DEF6: variants seen among roughly 807,000 people sequenced by gnomAD.
DEF6 encodes differentially expressed in FDCP 6 homolog.
A neutral mutation model predicts 80.5 loss-of-function variants in DEF6; 32 were observed. That is an observed-to-expected ratio of 0.40 (90% CI 0.30 to 0.53). The LOEUF (loss-of-function observed/expected upper bound fraction) is 0.53, where lower values mean the gene tolerates loss of function less well. Ranked by LOEUF, DEF6 falls within the 20% of genes least tolerant of loss-of-function variation. The pLI is 0.57. For synonymous variants in DEF6, 300 were observed against 337.9 expected (o/e 0.89, Z 1.23); for missense variants, 575 against 818.7 (o/e 0.70, Z 3.63).
In DEF6 at chr6:35,309,550, AGT is replaced by A. The variant is rs202061474; in HGVS notation, c.97-113_97-112del. 2,441 of 1,098,664 alleles carry A rather than the reference AGT, an allele frequency of 2.2e-3. 13 individuals carry two copies. Among genetic ancestry groups the A allele is most frequent in the African/African-American group, 0.015 (951 of 64,358 alleles). 68.1% of individuals were successfully genotyped at this position (1,098,664 alleles called of 1,614,324 possible). ...AGTTTTAGTTATTACTGAACTGAAC[AGT>A]GTGTGTAGAGAACTCAGCCAGGATG... On this transcript the variant is annotated intron_variant, in intron 1 of 10. Transcript: ENST00000316637.
intron 5 of DEF6, among the ~76,000 whole-genome samples, chr6:35,316,411 T>C (rs995304999): frequency 4.6e-5 from 7 of 152,216 alleles, no homozygotes; most frequent in Non-Finnish European, 8.8e-5. Context: ...TCTTGCCTAA[T>C]TGCTCTGGCC....
intron 1 of DEF6, among the ~76,000 whole-genome samples, chr6:35,302,885 G>A (rs935767669): frequency 2.0e-5 from 3 of 152,152 alleles, no homozygotes; most frequent in Non-Finnish European, 2.9e-5. Context: ...TGGGCAAGAC[G>A]CTTCCTCTCT....
At position 35,312,700 on chromosome 6, in the gene DEF6, C is replaced by G; in HGVS notation, c.735C>G (p.Leu245=). ...ERWFQLQPSC[L]CYFGSEECKE... ...GGTTCCAGCTGCAGCCCAGCTGCCT[C>G]TGCTACTTTGGGAGTGAAGAGTGCA... The change falls in exon 5 of 11, where the codon CTC becomes CTG. Residue 245 remains leucine, a synonymous_variant. Coordinates refer to ENST00000316637, the MANE Select transcript of DEF6 (RefSeq NM_022047.4). The surrounding 1 kb of genome is among the most constrained non-coding windows in gnomAD (Gnocchi z 6.6). The G allele has an allele frequency of 6.2e-7, 1 of 1,613,510 alleles. No individual in the cohort carries two copies. Among genetic ancestry groups the G allele is most frequent in the Non-Finnish European group, 8.5e-7 (1 of 1,179,706 alleles).
chr6:35,305,525 TA>T (rs1791377276), intron 1 of DEF6, among the ~76,000 whole-genome samples: 1 of 152,090 alleles, frequency 6.6e-6, no homozygotes, highest in Non-Finnish European at 1.5e-5. Flanking sequence ...GAATTTATTA[TA>T]AAATTAAAAC....
chr6:35,312,508 C>A lies in DEF6; in HGVS notation c.630C>A (p.Tyr210Ter), dbSNP rs1269974343. ...TCAGCATGGCCATCCACGAGGTCTACCAGGAGCTCATCCAAGATGTCCTGA... is the reference window on the plus strand; with the variant it reads ...TCAGCATGGCCATCCACGAGGTCTAACAGGAGCTCATCCAAGATGTCCTGA... The part of the protein sequence containing the change: ...DTLSMAIHEV[Y>*]QELIQDVLKQ... The change falls in exon 4 of 11, where the codon TAC (tyrosine) becomes TAA (stop). Residue 210 changes from tyrosine to a stop codon, truncating the protein, a stop_gained. Coordinates refer to ENST00000316637, the MANE Select transcript of DEF6 (RefSeq NM_022047.4). LOFTEE classifies it high-confidence loss of function. This position sits in a 1 kb window ranked among gnomAD's most constrained non-coding sequence, Gnocchi z 6.6. 1 of 1,614,026 alleles carries A rather than the reference C, an allele frequency of 6.2e-7. No homozygotes were observed. Among genetic ancestry groups the A allele is most frequent in the Non-Finnish European group, 8.5e-7 (1 of 1,180,042 alleles).
Position 35,318,329 on chromosome 6 carries a change from A to G in DEF6, c.1073A>G (p.Glu358Gly), listed in dbSNP as rs1791546924. 6.5e-7 allele frequency: 1 copy of G among 1,546,200 alleles called. No individual in the cohort carries two copies. Residue 358 changes from glutamate (E) to glycine (G), a missense_variant, in exon 7 of 11, where the codon GAG (glutamate) becomes GGG (glycine). Glu to Gly is a moderately conservative substitution (Grantham distance 98). Coordinates refer to ENST00000316637, the MANE Select transcript of DEF6 (RefSeq NM_022047.4). The surrounding 1 kb of genome is among the most constrained non-coding windows in gnomAD (Gnocchi z 5.1). ...CTGCAGCAGCTGCAGGAGGAGAAGGAGCGGAAGCTGCAGGAGCTGGAGCTG... is the reference window on the plus strand; with the variant it reads ...CTGCAGCAGCTGCAGGAGGAGAAGGGGCGGAAGCTGCAGGAGCTGGAGCTG... ...LRLQQLQEEKERKLQELELLQ... is the reference protein window; with the variant it reads ...LRLQQLQEEKGRKLQELELLQ...
At chr6:35,306,549 T>G (rs1238521456) in intron 1 of DEF6, among the ~76,000 whole-genome samples, 1 of 152,022 alleles carries the variant, frequency 6.6e-6, no homozygotes, top group Non-Finnish European at 1.5e-5. Flanking sequence ...CCCCTCACTC[T>G]GGAGAGGTGA....
At chr6:35,309,053 C>T (rs554472581) in intron 1 of DEF6, among the ~76,000 whole-genome samples, 1 of 152,202 alleles carries the variant, frequency 6.6e-6, no homozygotes, top group Non-Finnish European at 1.5e-5. Context: ...TCTTTGAGCC[C>T]TCTCCTCTCC....
Position 35,319,190 on chromosome 6 carries a change from AATT to A in DEF6, c.1216-329_1216-327del, listed in dbSNP as rs889359621. On this transcript the variant is annotated intron_variant, in intron 7 of 10. Transcript: ENST00000316637. This position sits in a 1 kb window ranked among gnomAD's most constrained non-coding sequence, Gnocchi z 4.5. ...ATAACATATTATTATATATTATAAT[AATT>A]ATTAAGTTAGTGCTAGGAAGGAGAT... Among the ~76,000 whole-genome samples, 3 of 151,804 alleles carry A rather than the reference AATT, an allele frequency of 2.0e-5. No individual in the cohort carries two copies. Among genetic ancestry groups the A allele is most frequent in the Non-Finnish European group, 4.4e-5 (3 of 67,986 alleles).
chr6:35,318,538 C>T lies in DEF6; in HGVS notation c.1215+67C>T. Reference sequence around the variant, plus strand: ...GGGAGGCTGGCCAGGGGCGGAGCGCCGGGGGCGGGGCCTGGGCAGAGGGCG... The same window carrying T: ...GGGAGGCTGGCCAGGGGCGGAGCGCTGGGGGCGGGGCCTGGGCAGAGGGCG... On this transcript the variant is annotated intron_variant, in intron 7 of 10. Coordinates refer to ENST00000316637, the MANE Select transcript of DEF6 (RefSeq NM_022047.4). The surrounding 1 kb of genome is among the most constrained non-coding windows in gnomAD (Gnocchi z 5.1). The T allele has an allele frequency of 2.3e-6, 3 of 1,330,922 alleles. No individual in the cohort carries two copies. The highest frequency in any genetic ancestry group is 3.1e-5 in the African/African-American group (2 of 64,362). 82.4% of individuals were successfully genotyped at this position (1,330,922 alleles called of 1,614,324 possible). A position where few individuals can be genotyped will look rare whatever the true frequency, so the allele number is the denominator to read the frequency against.
intron 1 of DEF6, among the ~76,000 whole-genome samples, chr6:35,308,736 TAATAA>T (rs1244823378): frequency 2.5e-4 from 35 of 141,946 alleles, no homozygotes; most frequent in South Asian, 6.6e-4. Context: ...ATAAATAAAA[TAATAA>T]AATAAAATAA....
intron 1 of DEF6, among the ~76,000 whole-genome samples, chr6:35,308,858 G>A (rs780922802): frequency 2.6e-5 from 4 of 152,092 alleles, no homozygotes; most frequent in Non-Finnish European, 4.4e-5. Flanking sequence ...TACACTGCTT[G>A]TGACAAATGC....
At position 35,318,062 on chromosome 6, in the gene DEF6, G is replaced by C. The variant is rs902889410; in HGVS notation, c.916+63G>C. ...TTAGGCGCCTCATCTGTGAAAAGGGGGTGATAATACTTTGTCCAGCGGGAG... is the reference window on the plus strand; with the variant it reads ...TTAGGCGCCTCATCTGTGAAAAGGGCGTGATAATACTTTGTCCAGCGGGAG... On this transcript the variant is annotated intron_variant, in intron 6 of 10. Transcript: ENST00000316637. The surrounding 1 kb of genome is among the most constrained non-coding windows in gnomAD (Gnocchi z 5.1). 12 of 1,566,358 alleles carry C rather than the reference G, an allele frequency of 7.7e-6. No homozygotes were observed. In the Admixed American group the frequency reaches 9.6e-5, roughly 13 times the overall value.
Position 35,309,707 on chromosome 6 carries a change from C to G in DEF6, c.134C>G (p.Pro45Arg). 6.2e-7 allele frequency: 1 copy of G among 1,614,018 alleles called. No individual in the cohort carries two copies. The highest frequency in any genetic ancestry group is 8.5e-7 in the Non-Finnish European group (1 of 1,180,004). ...AACCTGTACACGGTCCTGCACATCC[C>G]CCATGACCCCGTGGCCCTGGAGGAA... ...SHNLYTVLHI[P>R]HDPVALEEHF... Residue 45 changes from proline (P) to arginine (R), a missense_variant, in exon 2 of 11, where the codon CCC becomes CGC. Coordinates refer to ENST00000316637, the MANE Select transcript of DEF6 (RefSeq NM_022047.4).
chr6:35,304,286 A>G (rs1016260523), intron 1 of DEF6, among the ~76,000 whole-genome samples: 1 of 152,142 alleles, frequency 6.6e-6, no homozygotes, highest in African/African-American at 2.4e-5. Context: ...GTGCCACTAC[A>G]CTTCAGCCTG....
rs1247712662 is a variant in DEF6 at position 35,320,757 on chromosome 6, G to A, written c.1582-127G>A. 3 of 760,722 alleles carry A rather than the reference G, an allele frequency of 3.9e-6. No homozygotes were observed. In the African/African-American group the frequency reaches 5.3e-5, roughly 13 times the overall value. The allele number at this position is 760,722 out of a possible 1,614,324, so 47.1% of individuals were successfully genotyped here. On this transcript the variant is annotated intron_variant, in intron 9 of 10. Transcript: ENST00000316637. ...TATTAATAACTCTATGAGCATATAT[G>A]GTTTTTCTCTGGGGAGATGATCAGT...
In DEF6 at chr6:35,319,318, C is replaced by T. The variant is rs186625574; in HGVS notation, c.1216-206C>T. Among the ~76,000 whole-genome samples, 73 of 152,072 alleles carry T rather than the reference C, an allele frequency of 4.8e-4. No homozygotes were observed. The highest frequency in any genetic ancestry group is 9.1e-4 in the Non-Finnish European group (62 of 67,988). On this transcript the variant is annotated intron_variant, in intron 7 of 10. Coordinates refer to ENST00000316637, the MANE Select transcript of DEF6 (RefSeq NM_022047.4). The surrounding 1 kb of genome is among the most constrained non-coding windows in gnomAD (Gnocchi z 4.5). ...TACTAGGAAGGAAATAACTTGAGCC[C>T]GTTTCCCCCACGTGGCATCTGTTCA...
chr6:35,298,057 C>A, intron 1 of DEF6, 105 bp downstream of exon 1: 1 of 1,030,240 alleles, frequency 9.7e-7, no homozygotes, highest in Non-Finnish European at 1.4e-6. Flanking sequence ...GGCACCCAGC[C>A]ATCCAGCGTC....
Position 35,319,723 on chromosome 6 carries a change from C to A in DEF6, c.1382+33C>A. On this transcript the variant is annotated intron_variant, in intron 8 of 10. Transcript: ENST00000316637. The surrounding 1 kb of genome is among the most constrained non-coding windows in gnomAD (Gnocchi z 4.5). ...TGAGGAACCTCTTCTGGTTCTCTCA[C>A]CACCCCTCCTGGAACACACCCCAGT... 1 of 1,607,698 alleles carries A rather than the reference C, an allele frequency of 6.2e-7. No individual in the cohort carries two copies. The highest frequency in any genetic ancestry group is 1.1e-5 in the South Asian group (1 of 90,614).
Sources: allele counts gnomAD v4.1 joint callset (sites outside exome capture counted in the v4.1 genomes callset), GRCh38; gene constraint gnomAD v4.1.1; non-coding constraint Gnocchi (gnomAD v3.1); transcripts MANE v1.5; gene names NCBI Gene and HGNC (gene_info 2026-07-23, HGNC 2026-07-21).